The following CDH13 variants were observed in gnomAD, a reference collection of about 807,000 sequenced individuals.
CDH13 encodes the protein cadherin-13.
Under a neutral mutation model 63.8 loss-of-function variants are expected in CDH13, and 24 were observed. That is an observed-to-expected ratio of 0.38 (90% confidence interval 0.27 to 0.53). The LOEUF (loss-of-function observed/expected upper bound fraction) is 0.53. Ranked by LOEUF, CDH13 falls within the 20% of genes least tolerant of loss-of-function variation. The pLI, the probability that CDH13 is intolerant of heterozygous loss-of-function variation, is 0.85. For synonymous variants in CDH13, 503 were observed against 355.3 expected (o/e 1.42, Z -4.67); for missense variants, 1,049 against 903.1 (o/e 1.16, Z -2.07).
chr16:83,605,792 CA>C (rs1908275038), intron 8 of CDH13, among the ~76,000 whole-genome samples: 1 of 152,224 alleles, frequency 6.6e-6, no homozygotes, highest in African/African-American at 2.4e-5. Context: ...ACCTCCCCTC[CA>C]GGTTAAAAGG....
intron 6 of CDH13, among the ~76,000 whole-genome samples, chr16:83,373,591 G>C (rs1481479653): frequency 6.6e-6 from 1 of 152,192 alleles, no homozygotes; most frequent in Non-Finnish European, 1.5e-5. Flanking sequence ...CATGATACAG[G>C]TGTTGGAGAG....
intron 3 of CDH13, among the ~76,000 whole-genome samples, chr16:83,102,841 G>C (rs1341131571): frequency 1.3e-5 from 2 of 151,126 alleles, no homozygotes; most frequent in Non-Finnish European, 2.9e-5. Flanking sequence ...AACCAGAAAA[G>C]GGTAAATGTG....
chr16:83,019,722 C>T lies in CDH13; in HGVS notation c.158-12288C>T, dbSNP rs140438552. ...TGTTGCCCAGTATGGTCTCAAACTC[C>T]TGGGCTCAAGCGATCTGCCTACCTG... On this transcript the variant is annotated intron_variant, in intron 2 of 13. Transcript: ENST00000567109. 2.8e-3 allele frequency among the ~76,000 whole-genome samples: 424 copies of T among 151,006 alleles called. 3 individuals carry two copies. In the Middle Eastern group the frequency reaches 0.031, roughly 11 times the overall value.
At chr16:83,294,620 A>G (rs1012220138) in intron 5 of CDH13, among the ~76,000 whole-genome samples, 59 of 151,220 alleles carry the variant, frequency 3.9e-4, no homozygotes, top group East Asian at 2.1e-3. Flanking sequence ...GTGTGTGTGT[A>G]TATATATATG....
At chr16:83,195,326 G>A (rs947640097) in intron 4 of CDH13, among the ~76,000 whole-genome samples, 1 of 152,160 alleles carries the variant, frequency 6.6e-6, no homozygotes, top group Non-Finnish European at 1.5e-5. Flanking sequence ...AGAAATACCT[G>A]AGATGAGGTA....
chr16:83,020,122 C>A (rs947064980), intron 2 of CDH13, among the ~76,000 whole-genome samples: 3 of 152,172 alleles, frequency 2.0e-5, no homozygotes, highest in Non-Finnish European at 2.9e-5. Flanking sequence ...CTCTGTAGAT[C>A]AGAACATCGC....
At chr16:83,336,006 A>C (rs2090586855) in intron 5 of CDH13, among the ~76,000 whole-genome samples, 2 of 151,982 alleles carry the variant, frequency 1.3e-5, no homozygotes, top group African/African-American at 2.4e-5. Context: ...ATATTCTATT[A>C]CTAGATATTT....
At chr16:82,703,999 C>T (rs993387728) in intron 1 of CDH13, among the ~76,000 whole-genome samples, 2 of 152,160 alleles carry the variant, frequency 1.3e-5, no homozygotes, top group Admixed American at 6.5e-5. Context: ...CGGTTTTTCT[C>T]CTTTCTGCTT....
intron 8 of CDH13, among the ~76,000 whole-genome samples, chr16:83,625,991 G>A (rs534840266): frequency 1.3e-5 from 2 of 151,602 alleles, no homozygotes; most frequent in South Asian, 2.1e-4. Context: ...CAGGTAAAAC[G>A]TGAGGAAACA....
At chr16:83,707,836 CAAAAAAAA>C (rs61067563) in intron 10 of CDH13, among the ~76,000 whole-genome samples, 11 of 78,900 alleles carry the variant, frequency 1.4e-4, no homozygotes, top group Admixed American at 1.7e-4. Context: ...ACCCTAAAGG[CAAAAAAAA>C]AAAAAAAAAA....
At chr16:83,074,305 A>T (rs72796246) in intron 3 of CDH13, among the ~76,000 whole-genome samples, 19,612 of 152,206 alleles carry the variant, frequency 0.13, 1,358 homozygotes, top group African/African-American at 0.17. Flanking sequence ...TTAAGGTTGC[A>T]GCAAATAATA....
At chr16:82,707,572 T>G (rs1392129254) in intron 1 of CDH13, among the ~76,000 whole-genome samples, 1 of 152,212 alleles carries the variant, frequency 6.6e-6, no homozygotes, top group African/African-American at 2.4e-5. Flanking sequence ...CTGTGATACA[T>G]GACAGAGTGA....
chr16:83,083,058 G>C (rs1331979498), intron 3 of CDH13, among the ~76,000 whole-genome samples: 1 of 152,188 alleles, frequency 6.6e-6, no homozygotes, highest in Non-Finnish European at 1.5e-5. Flanking sequence ...GAATGATTCA[G>C]AACCACAAAA....
chr16:83,281,903 A>G (rs2089187548), intron 5 of CDH13, among the ~76,000 whole-genome samples: 1 of 152,050 alleles, frequency 6.6e-6, no homozygotes, highest in South Asian at 2.1e-4. Context: ...ACAGAGCGGG[A>G]CTCCGTTTCT....
At chr16:83,501,019 C>G (rs1353256952) in intron 7 of CDH13, among the ~76,000 whole-genome samples, 2 of 152,156 alleles carry the variant, frequency 1.3e-5, no homozygotes, top group Non-Finnish European at 2.9e-5. Flanking sequence ...TAAGGTAAGT[C>G]TTGTCAAAAC....
chr16:82,657,595 G>T (rs1031166899), intron 1 of CDH13, among the ~76,000 whole-genome samples: 6 of 152,180 alleles, frequency 3.9e-5, no homozygotes, highest in Admixed American at 3.9e-4. Flanking sequence ...ACTGTAGAAA[G>T]CAAACCTTGG....
At chr16:82,998,813 C>T (rs375353449) in intron 2 of CDH13, among the ~76,000 whole-genome samples, 66 of 150,920 alleles carry the variant, frequency 4.4e-4, no homozygotes, top group African/African-American at 1.2e-3. Context: ...CATTCATGTA[C>T]GCCTTAAGCC....
chr16:83,169,037 A>C (rs1474061010), intron 4 of CDH13, among the ~76,000 whole-genome samples: 2 of 152,158 alleles, frequency 1.3e-5, no homozygotes, highest in Non-Finnish European at 2.9e-5. Flanking sequence ...GGAAGTTGAA[A>C]TTTGTATTGA....
intron 6 of CDH13, among the ~76,000 whole-genome samples, chr16:83,410,800 T>A (rs2092115273): frequency 6.6e-6 from 1 of 152,232 alleles, no homozygotes; most frequent in Non-Finnish European, 1.5e-5. Flanking sequence ...TTTGATTGTT[T>A]TCTTGTGGGA....
Sources: allele counts gnomAD v4.1 joint callset (sites outside exome capture counted in the v4.1 genomes callset), GRCh38; gene constraint gnomAD v4.1.1; transcripts MANE v1.5; gene names NCBI Gene and HGNC (gene_info 2026-07-23, HGNC 2026-07-21).